Variants in UGT1A4 observed in about 807,000 individuals in gnomAD.
The protein encoded by UGT1A4 is UDP glucuronosyltransferase family 1 member A4.
UGT1A4 carries 32 observed loss-of-function variants against 41.1 expected under a neutral mutation model. The observed-to-expected ratio is 0.78, with a 90% confidence interval of 0.59 to 1.05. The LOEUF (loss-of-function observed/expected upper bound fraction) is 1.05, where lower values mean the gene tolerates loss of function less well. Ranked by LOEUF, UGT1A4 falls within the 50% of genes least tolerant of loss-of-function variation. The probability of loss-of-function intolerance (pLI) is 0.00; values close to 1 mark genes in which losing one functional copy is unlikely to be tolerated. For missense variants in UGT1A4, 748 were observed against 677.4 expected, an observed-to-expected ratio of 1.10 and a Z score of -1.16; for synonymous variants, 283 against 265.1, an observed-to-expected ratio of 1.07 and a Z score of -0.66.
intron 1 of UGT1A4, among the ~76,000 whole-genome samples, chr2:233,748,278 A>T (rs1303548000): frequency 2.6e-5 from 4 of 151,752 alleles, no homozygotes; most frequent in Non-Finnish European, 5.9e-5. Flanking sequence ...TGAGAGGAAG[A>T]AGAGGCAGAC....
At chr2:233,747,937 A>C in intron 1 of UGT1A4, 1 of 1,613,182 alleles carries the variant, frequency 6.2e-7, no homozygotes, top group Non-Finnish European at 8.5e-7. Flanking sequence ...TTTCAGAGGG[A>C]GGTGTCAGTG....
At chr2:233,768,006 T>C in intron 3 of UGT1A4, 70 bp downstream of exon 3, 1 of 1,614,080 alleles carries the variant, frequency 6.2e-7, no homozygotes, top group South Asian at 1.1e-5. Context: ...AGCACAGCTA[T>C]TCTAAAGGAT....
At position 233,761,196 on chromosome 2, in the gene UGT1A4, T is replaced by C. The variant is rs761284519; in HGVS notation, c.868-5838T>C. 5.6e-6 allele frequency: 9 copies of C among 1,614,024 alleles called. No homozygotes were observed. The East Asian group carries it at 2.0e-4, about 36-fold the overall frequency. Reference sequence around the variant, plus strand: ...TTTTACATGCGTATATTCTTTCAGATGTATTACTTTGGATCGATTAACTAG... The same window carrying C: ...TTTTACATGCGTATATTCTTTCAGACGTATTACTTTGGATCGATTAACTAG... On this transcript the variant is annotated intron_variant, in intron 1 of 4. Transcript: ENST00000373409.
intron 1 of UGT1A4, among the ~76,000 whole-genome samples, chr2:233,720,694 G>A (rs1379635884): frequency 6.6e-6 from 1 of 151,632 alleles, no homozygotes; most frequent in Non-Finnish European, 1.5e-5. Flanking sequence ...AATCCATTAA[G>A]GGAGCCATCC....
chr2:233,755,496 C>G (rs1460614171), intron 1 of UGT1A4: 1 of 187,824 alleles, frequency 5.3e-6, no homozygotes, highest in African/African-American at 2.4e-5. Context: ...TGTGATGCTC[C>G]AAGACCAGGC....
At chr2:233,747,632 C>T in intron 1 of UGT1A4, 1 of 1,580,404 alleles carries the variant, frequency 6.3e-7, no homozygotes, top group Non-Finnish European at 8.7e-7. Flanking sequence ...TGATCAGGCA[C>T]CTGAATGCTA....
chr2:233,720,113 A>G (rs1489056833), intron 1 of UGT1A4, among the ~76,000 whole-genome samples: 1 of 152,208 alleles, frequency 6.6e-6, no homozygotes, highest in African/African-American at 2.4e-5. Flanking sequence ...CTTGCGAAAG[A>G]TACAGAGGTG....
chr2:233,766,546 G>A (rs1699179284), intron 1 of UGT1A4, among the ~76,000 whole-genome samples: 1 of 152,192 alleles, frequency 6.6e-6, no homozygotes, highest in Admixed American at 6.5e-5. Flanking sequence ...AAAAATGCCT[G>A]TCCTCACCTA....
intron 1 of UGT1A4, chr2:233,743,981 G>GC: frequency 1.5e-6 from 2 of 1,297,888 alleles, no homozygotes; most frequent in Non-Finnish European, 2.0e-6. Flanking sequence ...CAGCACCCAG[G>GC]CGCAGGCCCG....
chr2:233,733,638 G>C (rs913820039), intron 1 of UGT1A4, among the ~76,000 whole-genome samples: 1 of 152,200 alleles, frequency 6.6e-6, no homozygotes, highest in African/African-American at 2.4e-5. Flanking sequence ...AACCAGCCTT[G>C]CATCCCAAGG....
intron 1 of UGT1A4, among the ~76,000 whole-genome samples, chr2:233,745,315 A>G (rs1693069084): frequency 2.0e-5 from 3 of 151,844 alleles, no homozygotes; most frequent in African/African-American, 4.9e-5. Flanking sequence ...GATTATTTCC[A>G]CTAGAACTGC....
chr2:233,763,409 T>C (rs1698304893), intron 1 of UGT1A4, among the ~76,000 whole-genome samples: 1 of 152,246 alleles, frequency 6.6e-6, no homozygotes, highest in Admixed American at 6.5e-5. Flanking sequence ...ACTGGTATTT[T>C]TAATCCAGTC....
chr2:233,750,566 C>G (rs575907211), intron 1 of UGT1A4: 1 of 151,898 alleles, frequency 6.6e-6, no homozygotes, highest in Admixed American at 6.5e-5. Context: ...TGCAGCAGAC[C>G]CTCCCATCAC....
intron 1 of UGT1A4, among the ~76,000 whole-genome samples, chr2:233,749,248 A>AT (rs1216234192): frequency 2.0e-5 from 3 of 151,926 alleles, no homozygotes; most frequent in East Asian, 1.9e-4. Flanking sequence ...AAACCACATG[A>AT]TTTTTTTATT....
intron 1 of UGT1A4, chr2:233,740,576 G>A (rs1691425375): frequency 6.6e-6 from 1 of 151,744 alleles, no homozygotes; most frequent in Non-Finnish European, 1.5e-5. Flanking sequence ...TGTTTTTTGG[G>A]ACCCTAATGA....
rs958350621 is a variant in UGT1A4 at position 233,758,917 on chromosome 2, C to G, written c.868-8117C>G. ...ACAAATTTGAGTTGTTTTTGCTCAT[C>G]TTTCCCTTTTGACTTCAAATCAGTC... On this transcript the variant is annotated intron_variant, in intron 1 of 4. Coordinates refer to ENST00000373409, the MANE Select transcript of UGT1A4 (RefSeq NM_007120.3). Among the ~76,000 whole-genome samples the G allele has an allele frequency of 5.9e-5, 9 of 152,224 alleles. 1 individual carries two copies. Among genetic ancestry groups the G allele is most frequent in the Admixed American group, 3.3e-4 (5 of 15,286 alleles).
intron 1 of UGT1A4, chr2:233,754,848 A>G (rs1437174207): frequency 7.4e-7 from 1 of 1,344,734 alleles, no homozygotes; most frequent in African/African-American, 1.5e-5. Flanking sequence ...GAAGGCAGAG[A>G]AAAGGGGTGC....
At chr2:233,724,165 C>CT (rs1189702988) in intron 1 of UGT1A4, among the ~76,000 whole-genome samples, 2 of 112,674 alleles carry the variant, frequency 1.8e-5, no homozygotes, top group African/African-American at 8.4e-5. Context: ...GGGGGGCTGA[C>CT]CCCCCCATCT....
intron 1 of UGT1A4, among the ~76,000 whole-genome samples, chr2:233,728,655 C>T (rs928027852): frequency 5.3e-5 from 8 of 152,140 alleles, no homozygotes; most frequent in East Asian, 1.9e-4. Flanking sequence ...TTTTTGGATG[C>T]GCTGCGTTAC....
Sources: allele counts gnomAD v4.1 joint callset (sites outside exome capture counted in the v4.1 genomes callset), GRCh38; gene constraint gnomAD v4.1.1; transcripts MANE v1.5; gene names NCBI Gene and HGNC (gene_info 2026-07-23, HGNC 2026-07-21).